The following ARHGAP10 variants were observed in gnomAD, a reference collection of about 807,000 sequenced individuals.
The protein encoded by ARHGAP10 is rho GTPase-activating protein 10.
A neutral mutation model predicts 108.6 loss-of-function variants in ARHGAP10; 87 were observed. The ratio of observed to expected loss-of-function variants is 0.80; its 90% CI spans 0.67 to 0.96. ARHGAP10 has a LOEUF of 0.96. Among genes scored for constraint, ARHGAP10 ranks in the 40% least tolerant of loss-of-function variants. The pLI is 0.00. For missense variants in ARHGAP10, 939 were observed against 954.5 expected, an observed-to-expected ratio of 0.98 and a Z score of 0.21; for synonymous variants, 347 against 341.1, an observed-to-expected ratio of 1.02 and a Z score of -0.19.
At chr4:148,034,973 T>C (rs964833459) in intron 19 of ARHGAP10, among the ~76,000 whole-genome samples, 9 of 152,250 alleles carry the variant, frequency 5.9e-5, no homozygotes, top group Non-Finnish European at 7.3e-5. Context: ...GCAATTTGCT[T>C]TGACTTCTAT....
At chr4:147,939,359 A>AAATT (rs978281942) in intron 13 of ARHGAP10, among the ~76,000 whole-genome samples, 52 of 152,352 alleles carry the variant, frequency 3.4e-4, no homozygotes, top group African/African-American at 1.2e-3. Context: ...ACTTTAAAAA[A>AAATT]AATTACAGTT....
chr4:147,792,443 A>AC (rs1731157754), intron 1 of ARHGAP10, among the ~76,000 whole-genome samples: 1 of 152,112 alleles, frequency 6.6e-6, no homozygotes, highest in South Asian at 2.1e-4. Flanking sequence ...TTGATTCACA[A>AC]CCCATTATTA....
rs1247184006 is a variant in ARHGAP10 at position 147,908,152 on chromosome 4, A to G, written c.1116+1433A>G. Among the ~76,000 whole-genome samples, 11 of 152,010 alleles carry G rather than the reference A, an allele frequency of 7.2e-5. 1 individual carries two copies. In the South Asian group the frequency reaches 2.1e-3, roughly 29 times the overall value. On this transcript the variant is annotated intron_variant, in intron 11 of 22. Transcript: ENST00000336498. ...AGCCACCACACCCAGCCTTATTTCT[A>G]TTTATTCTTAATTTGTTGTTGAAAT...
intron 3 of ARHGAP10, among the ~76,000 whole-genome samples, chr4:147,826,577 A>G (rs1478595051): frequency 3.9e-5 from 6 of 152,184 alleles, no homozygotes; most frequent in Non-Finnish European, 8.8e-5. Flanking sequence ...CTTCCTTTTT[A>G]GCTTGGAAAA....
intron 18 of ARHGAP10, among the ~76,000 whole-genome samples, chr4:147,991,155 A>T (rs1740258889): frequency 6.6e-6 from 1 of 151,888 alleles, no homozygotes; most frequent in Admixed American, 6.6e-5. Context: ...TAAAAAAAAA[A>T]AAAAATAAAT....
chr4:147,840,796 T>G (rs1733381220), intron 3 of ARHGAP10, among the ~76,000 whole-genome samples: 4 of 152,236 alleles, frequency 2.6e-5, no homozygotes, highest in Admixed American at 1.3e-4. Context: ...TCTCTTTAGC[T>G]CGAGAGCTCC....
At chr4:147,798,071 T>A (rs1731390006) in intron 1 of ARHGAP10, among the ~76,000 whole-genome samples, 1 of 152,210 alleles carries the variant, frequency 6.6e-6, no homozygotes, top group Non-Finnish European at 1.5e-5. Context: ...GGCAGATGAA[T>A]AGTTCCTCCC....
intron 18 of ARHGAP10, among the ~76,000 whole-genome samples, chr4:147,971,823 AT>A (rs1233873246): frequency 6.6e-6 from 1 of 152,216 alleles, no homozygotes; most frequent in South Asian, 2.1e-4. Context: ...TGACAGCAGG[AT>A]TTGCAGTAGG....
intron 1 of ARHGAP10, among the ~76,000 whole-genome samples, chr4:147,743,874 T>C (rs1317357101): frequency 1.3e-5 from 2 of 152,168 alleles, no homozygotes; most frequent in East Asian, 3.8e-4. Context: ...CTTAAAAAAA[T>C]TGCCTGAACC....
At chr4:147,773,649 T>C (rs1730166990) in intron 1 of ARHGAP10, among the ~76,000 whole-genome samples, 1 of 152,192 alleles carries the variant, frequency 6.6e-6, no homozygotes, top group Admixed American at 6.5e-5. Context: ...TTATCTGTTT[T>C]TCGTGGGCAG....
Position 147,913,100 on chromosome 4 carries a change from A to G in ARHGAP10, c.1189A>G (p.Thr397Ala). 1 of 1,613,976 alleles carries G rather than the reference A, an allele frequency of 6.2e-7. No individual in the cohort carries two copies. The highest frequency in any genetic ancestry group is 8.5e-7 in the Non-Finnish European group (1 of 1,179,878). Residue 397 changes from threonine (T) to alanine (A), a missense_variant, in exon 13 of 23, where the codon ACA (threonine) becomes GCA (alanine). By Grantham distance (58) the Thr-to-Ala change is moderately conservative. Coordinates refer to ENST00000336498, the MANE Select transcript of ARHGAP10 (RefSeq NM_024605.4). ...GNAQLDKMGF[T>A]IIRKCISAVE... Reference sequence around the variant, plus strand: ...TGCACAGTTGGATAAGATGGGGTTCACAATTATCAGAAAATGCATCAGTGC... The same window carrying G: ...TGCACAGTTGGATAAGATGGGGTTCGCAATTATCAGAAAATGCATCAGTGC...
chr4:147,732,702 GC>G (rs1728269230), intron 1 of ARHGAP10, among the ~76,000 whole-genome samples: 1 of 151,856 alleles, frequency 6.6e-6, no homozygotes, highest in African/African-American at 2.4e-5. Context: ...CTGCCAGCGG[GC>G]CCCGCCTGGG....
chr4:147,983,756 AT>A (rs979773036), intron 18 of ARHGAP10, among the ~76,000 whole-genome samples: 12 of 151,468 alleles, frequency 7.9e-5, no homozygotes, highest in African/African-American at 2.9e-4. Context: ...ATCTTGTTGC[AT>A]TTCTTTGCTA....
intron 18 of ARHGAP10, among the ~76,000 whole-genome samples, chr4:147,973,284 G>A (rs1739479162): frequency 6.6e-6 from 1 of 152,208 alleles, no homozygotes; most frequent in African/African-American, 2.4e-5. Context: ...AGAGTCTAGT[G>A]ACCTGTTAGC....
intron 1 of ARHGAP10, among the ~76,000 whole-genome samples, chr4:147,796,372 A>T (rs765141367): frequency 4.6e-5 from 7 of 152,106 alleles, no homozygotes; most frequent in Admixed American, 6.5e-5. Flanking sequence ...CATTTTTTTT[A>T]AAAGCGTAGT....
rs927002073 is a variant in ARHGAP10, at chr4:148,001,956, T to C, written c.1717-21307T>C. ...CCAGAACTTCCAACACTGTGTTGAA[T>C]AGGAGTGGTGAGAGAGGGCATCCCT... On this transcript the variant is annotated intron_variant, in intron 18 of 22. Transcript: ENST00000336498. Among the ~76,000 whole-genome samples, 6 of 152,148 alleles carry C rather than the reference T, an allele frequency of 3.9e-5. No individual in the cohort carries two copies. The East Asian group carries it at 9.6e-4, about 24-fold the overall frequency.
chr4:147,743,871 A>C (rs937305638), intron 1 of ARHGAP10, among the ~76,000 whole-genome samples: 11 of 152,240 alleles, frequency 7.2e-5, no homozygotes, highest in Admixed American at 1.3e-4. Flanking sequence ...GTACTTAAAA[A>C]AATTGCCTGA....
intron 15 of ARHGAP10, among the ~76,000 whole-genome samples, chr4:147,951,697 C>T (rs530188556): frequency 2.0e-5 from 3 of 152,018 alleles, no homozygotes; most frequent in Admixed American, 2.0e-4. Flanking sequence ...AAGTGATCCT[C>T]CCACCTTGGC....
intron 3 of ARHGAP10, among the ~76,000 whole-genome samples, chr4:147,833,590 TGAA>T (rs1385554140): frequency 6.6e-6 from 1 of 152,196 alleles, no homozygotes; most frequent in Non-Finnish European, 1.5e-5. Context: ...AGTTGGACTT[TGAA>T]GAAGTTTTAG....
Sources: allele counts gnomAD v4.1 joint callset (sites outside exome capture counted in the v4.1 genomes callset), GRCh38; gene constraint gnomAD v4.1.1; transcripts MANE v1.5; gene names NCBI Gene and HGNC (gene_info 2026-07-23, HGNC 2026-07-21).